ADGRB3: variants seen among roughly 807,000 people sequenced by gnomAD.
ADGRB3 encodes adhesion G protein-coupled receptor B3, also known as brain-specific angiogenesis inhibitor 3.
In ADGRB3, 37 loss-of-function variants were observed where a neutral mutation model predicts 193.4. That is an observed-to-expected ratio of 0.19 (90% CI 0.15 to 0.25). The LOEUF (loss-of-function observed/expected upper bound fraction) is 0.25. ADGRB3 is among the 10% of genes least tolerant of loss of function. The pLI, the probability that ADGRB3 is intolerant of heterozygous loss-of-function variation, is 1.00. For missense variants in ADGRB3, 1,637 were observed against 1,852.9 expected (o/e 0.88, Z 2.14); for synonymous variants, 690 against 644.2 (o/e 1.07, Z -1.08).
At chr6:69,040,307 C>CTCTTTCTTTCT (rs1770993778) in intron 13 of ADGRB3, among the ~76,000 whole-genome samples, 2 of 94,758 alleles carry the variant, frequency 2.1e-5, no homozygotes, top group African/African-American at 8.9e-5. Context: ...CTTTCTCTGT[C>CTCTTTCTTTCT]TCTTTCTTTC....
intron 20 of ADGRB3, among the ~76,000 whole-genome samples, chr6:69,293,746 C>G (rs965918669): frequency 3.3e-5 from 5 of 152,018 alleles, no homozygotes; most frequent in Non-Finnish European, 7.4e-5. Context: ...ACGATAGACT[C>G]AGGGAAAGTG....
rs538325019 is a variant in ADGRB3 at position 69,151,996 on chromosome 6, G to A, written c.2480+75958G>A. Reference sequence around the variant, plus strand: ...CTTATCCTTGATGCTGCCATGTGAAGAAGGCCATATTTGCTTCCCCTTCTG... The same window carrying A: ...CTTATCCTTGATGCTGCCATGTGAAAAAGGCCATATTTGCTTCCCCTTCTG... On this transcript the variant is annotated intron_variant, in intron 17 of 31. Coordinates refer to ENST00000370598, the MANE Select transcript of ADGRB3 (RefSeq NM_001704.3). Among the ~76,000 whole-genome samples the A allele has an allele frequency of 5.3e-4, 80 of 152,294 alleles. 2 individuals are homozygous for A. The South Asian group carries it at 0.016, about 31-fold the overall frequency.
intron 20 of ADGRB3, among the ~76,000 whole-genome samples, chr6:69,247,389 T>C (rs191645037): frequency 1.3e-5 from 2 of 152,302 alleles, no homozygotes; most frequent in Admixed American, 1.3e-4. Context: ...CCTTCTGGCT[T>C]GGCAACAAGA....
intron 13 of ADGRB3, among the ~76,000 whole-genome samples, chr6:69,037,601 C>G (rs1161355610): frequency 1.3e-5 from 2 of 152,166 alleles, no homozygotes; most frequent in Non-Finnish European, 1.5e-5. Flanking sequence ...AAACCATCCT[C>G]TCATTATTAA....
Position 68,767,308 on chromosome 6 carries a change from C to T in ADGRB3, c.757+127876C>T, listed in dbSNP as rs186398169. 5.1e-4 allele frequency among the ~76,000 whole-genome samples: 78 copies of T among 152,116 alleles called. No homozygotes were observed. In the East Asian group the frequency reaches 9.6e-3, roughly 19 times the overall value. On this transcript the variant is annotated intron_variant, in intron 3 of 31. Coordinates refer to ENST00000370598, the MANE Select transcript of ADGRB3 (RefSeq NM_001704.3). ...TTCTTTTAAAATAATACTGGCAAGC[C>T]GAATCCAGCAGCACATCAAAAAGCT... is the stretch of plus-strand genomic sequence containing the variant.
intron 29 of ADGRB3, among the ~76,000 whole-genome samples, chr6:69,362,687 G>A (rs1769478513): frequency 1.3e-5 from 2 of 151,940 alleles, no homozygotes; most frequent in South Asian, 4.1e-4. Context: ...CAGAACCAAA[G>A]GCATAGATAG....
intron 3 of ADGRB3, among the ~76,000 whole-genome samples, chr6:68,924,497 T>C (rs1767126165): frequency 6.6e-6 from 1 of 152,080 alleles, no homozygotes; most frequent in Non-Finnish European, 1.5e-5. Context: ...TGTCTAAATA[T>C]ACCGAATATA....
chr6:68,726,078 T>C (rs7759833), intron 3 of ADGRB3, among the ~76,000 whole-genome samples: 1,524 of 151,706 alleles, frequency 0.01, 28 homozygotes, highest in African/African-American at 0.033. Context: ...TAGACACCAG[T>C]TCATGCAGTT....
chr6:69,008,628 T>C (rs1769842762), intron 11 of ADGRB3, among the ~76,000 whole-genome samples: 1 of 152,140 alleles, frequency 6.6e-6, no homozygotes, highest in South Asian at 2.1e-4. Flanking sequence ...AGGGTAGTGA[T>C]GCATAGGGAG....
At chr6:69,368,007 AG>A (rs1403192086) in intron 29 of ADGRB3, among the ~76,000 whole-genome samples, 2 of 64,992 alleles carry the variant, frequency 3.1e-5, no homozygotes, top group Non-Finnish European at 5.6e-5. Flanking sequence ...GGGTGGGGGG[AG>A]GGGGGAGGGA....
At chr6:69,142,224 C>T (rs948243317) in intron 17 of ADGRB3, among the ~76,000 whole-genome samples, 6 of 151,988 alleles carry the variant, frequency 3.9e-5, no homozygotes, top group South Asian at 2.1e-4. Flanking sequence ...AGTTAGAGTA[C>T]GTTCCACAGG....
At chr6:69,190,426 A>G (rs567857645) in intron 17 of ADGRB3, among the ~76,000 whole-genome samples, 72 of 152,112 alleles carry the variant, frequency 4.7e-4, no homozygotes, top group Middle Eastern at 6.8e-3. Context: ...CTTATAGAAT[A>G]GAGATATAAA....
At chr6:68,767,237 A>C (rs1766527344) in intron 3 of ADGRB3, among the ~76,000 whole-genome samples, 1 of 152,156 alleles carries the variant, frequency 6.6e-6, no homozygotes, top group African/African-American at 2.4e-5. Flanking sequence ...CCAAAGCAGG[A>C]ATCTGCAAGT....
intron 5 of ADGRB3, among the ~76,000 whole-genome samples, chr6:68,941,073 A>T (rs1767629481): frequency 6.6e-6 from 1 of 152,186 alleles, no homozygotes; most frequent in African/African-American, 2.4e-5. Flanking sequence ...GCCTAAGCTA[A>T]GGAGGAAAAC....
intron 3 of ADGRB3, among the ~76,000 whole-genome samples, chr6:68,744,218 T>A (rs1053547601): frequency 6.6e-6 from 1 of 152,054 alleles, no homozygotes; most frequent in Non-Finnish European, 1.5e-5. Context: ...AGAACTTTTT[T>A]TAATGAATAA....
intron 20 of ADGRB3, among the ~76,000 whole-genome samples, chr6:69,286,038 C>G (rs888028199): frequency 1.3e-5 from 2 of 152,038 alleles, no homozygotes; most frequent in African/African-American, 4.8e-5. Context: ...GAAACTTGGG[C>G]CTTCTAGTTA....
intron 17 of ADGRB3, among the ~76,000 whole-genome samples, chr6:69,231,945 T>A (rs1221338041): frequency 1.3e-5 from 2 of 152,160 alleles, no homozygotes; most frequent in African/African-American, 4.8e-5. Flanking sequence ...AACTTGGAAG[T>A]TCAACTGTCA....
chr6:68,821,881 T>C (rs988247001), intron 3 of ADGRB3, among the ~76,000 whole-genome samples: 13 of 152,020 alleles, frequency 8.6e-5, no homozygotes, highest in African/African-American at 2.9e-4. Context: ...ATGTGTATTA[T>C]ACATAGTATG....
chr6:69,344,117 C>T (rs953785009), intron 26 of ADGRB3, among the ~76,000 whole-genome samples: 2 of 152,052 alleles, frequency 1.3e-5, no homozygotes, highest in African/African-American at 4.8e-5. Flanking sequence ...ATCACAAGAT[C>T]GTGATACAAA....
Sources: gnomAD v4.1 joint callset for allele counts (sites outside exome capture counted in the v4.1 genomes callset) on GRCh38, gnomAD v4.1.1 for gene constraint, MANE v1.5 for transcripts, NCBI Gene and HGNC (gene_info 2026-07-23, HGNC 2026-07-21) for gene names.